ROCK1: variants seen among roughly 807,000 people sequenced by gnomAD.
ROCK1 encodes rho-associated protein kinase 1.
Under a neutral mutation model 196.8 loss-of-function variants are expected in ROCK1, and 36 were observed. The observed-to-expected ratio is 0.18, with a 90% CI of 0.14 to 0.24. The LOEUF (loss-of-function observed/expected upper bound fraction) is 0.24. Among genes scored for constraint, ROCK1 ranks in the 10% least tolerant of loss-of-function variants. The probability of loss-of-function intolerance (pLI) is 1.00; values close to 1 mark genes in which losing one functional copy is unlikely to be tolerated. For synonymous variants in ROCK1, 443 were observed against 515.9 expected, an observed-to-expected ratio of 0.86 and a Z score of 1.91; for missense variants, 920 against 1,562.0, an observed-to-expected ratio of 0.59 and a Z score of 6.93.
chr18:21,054,702 T>G (rs1359448572), intron 2 of ROCK1, among the ~76,000 whole-genome samples: 9 of 152,194 alleles, frequency 5.9e-5, no homozygotes. Flanking sequence ...TCTCCTGTTT[T>G]AATTCTTAAT....
intron 2 of ROCK1, among the ~76,000 whole-genome samples, chr18:21,058,265 T>C (rs918129964): frequency 6.6e-6 from 1 of 152,156 alleles, no homozygotes; most frequent in Non-Finnish European, 1.5e-5. Flanking sequence ...TGACCCTTTG[T>C]TGCTTTTCTA....
intron 29 of ROCK1, among the ~76,000 whole-genome samples, chr18:20,958,891 A>G (rs1335014133): frequency 9.8e-6 from 1 of 101,814 alleles, no homozygotes; most frequent in South Asian, 2.4e-4. Flanking sequence ...AAATATATAT[A>G]TTTATTTATA....
chr18:21,002,508 T>A (rs1180252170), intron 16 of ROCK1, among the ~76,000 whole-genome samples: 1 of 152,308 alleles, frequency 6.6e-6, no homozygotes, highest in Non-Finnish European at 1.5e-5. Context: ...GACAAAGAAT[T>A]AAGTATTTAA....
intron 27 of ROCK1, among the ~76,000 whole-genome samples, chr18:20,965,441 A>G (rs1210268472): frequency 6.7e-6 from 1 of 149,658 alleles, no homozygotes; most frequent in African/African-American, 2.6e-5. Flanking sequence ...ACATACATAC[A>G]TATATACATA....
At chr18:21,080,376 A>C (rs1438216309) in intron 1 of ROCK1, among the ~76,000 whole-genome samples, 1 of 152,168 alleles carries the variant, frequency 6.6e-6, no homozygotes. Flanking sequence ...AGTTGAAGGA[A>C]AACACAGAAA....
intron 27 of ROCK1, among the ~76,000 whole-genome samples, chr18:20,965,116 C>T (rs1250349954): frequency 2.0e-5 from 3 of 152,110 alleles, no homozygotes; most frequent in Non-Finnish European, 4.4e-5. Context: ...GTCGGCCAGG[C>T]GGGTGGCTCA....
intron 1 of ROCK1, among the ~76,000 whole-genome samples, chr18:21,104,449 T>G (rs1832897354): frequency 6.6e-6 from 1 of 151,986 alleles, no homozygotes; most frequent in South Asian, 2.1e-4. Context: ...TACAAAAAAT[T>G]AGCCGGGTGC....
At chr18:21,096,213 T>A (rs1183310375) in intron 1 of ROCK1, among the ~76,000 whole-genome samples, 2 of 152,168 alleles carry the variant, frequency 1.3e-5, no homozygotes, top group Non-Finnish European at 1.5e-5. Context: ...ATTTTTTTTT[T>A]TTTTGAGATG....
In ROCK1 at chr18:20,951,406, A is replaced by G. The variant is rs546640832; in HGVS notation, c.4062-19T>C. The G allele has an allele frequency of 6.3e-7, 1 of 1,590,164 alleles. No homozygotes were observed. The highest frequency in any genetic ancestry group is 8.6e-7 in the Non-Finnish European group (1 of 1,166,926). On this transcript the variant is annotated intron_variant, in intron 32 of 32. Coordinates refer to ENST00000399799, the MANE Select transcript of ROCK1 (RefSeq NM_005406.3). Reference sequence around the variant, plus strand: ...TGGTTAACTGTTGAGGGAGGGGGAAAAAACTAATTTAAGAAATGCACTCAG... The same window carrying G: ...TGGTTAACTGTTGAGGGAGGGGGAAGAAACTAATTTAAGAAATGCACTCAG...
chr18:21,049,478 G>A (rs1483809258), intron 3 of ROCK1, among the ~76,000 whole-genome samples: 1 of 152,048 alleles, frequency 6.6e-6, no homozygotes, highest in African/African-American at 2.4e-5. Context: ...CCTCCACACG[G>A]CTATGTAAGC....
intron 22 of ROCK1, among the ~76,000 whole-genome samples, 185 bp downstream of exon 22, chr18:20,979,725 A>T (rs557849041): frequency 6.6e-6 from 1 of 152,288 alleles, no homozygotes; most frequent in Non-Finnish European, 1.5e-5. Context: ...TACAGTGTTG[A>T]TTTATAGCAC....
intron 4 of ROCK1, among the ~76,000 whole-genome samples, chr18:21,047,912 AC>A (rs1480193195): frequency 6.6e-6 from 1 of 152,200 alleles, no homozygotes; most frequent in African/African-American, 2.4e-5. Context: ...TAAATAAATC[AC>A]AAAAACATGT....
intron 1 of ROCK1, among the ~76,000 whole-genome samples, chr18:21,070,916 C>T (rs1420813139): frequency 2.0e-5 from 3 of 152,106 alleles, no homozygotes; most frequent in Non-Finnish European, 4.4e-5. Flanking sequence ...TTTTGCATTA[C>T]TTCTCCTTAC....
chr18:21,094,282 T>G (rs1249564607), intron 1 of ROCK1, among the ~76,000 whole-genome samples: 2 of 152,196 alleles, frequency 1.3e-5, no homozygotes, highest in Non-Finnish European at 2.9e-5. Flanking sequence ...GAGACTAGGT[T>G]TTCCTGAATC....
intron 2 of ROCK1, among the ~76,000 whole-genome samples, chr18:21,051,863 T>C (rs1228122142): frequency 6.6e-6 from 1 of 152,098 alleles, no homozygotes; most frequent in Non-Finnish European, 1.5e-5. Context: ...CAGGAAGCCA[T>C]GAAAAGGAAT....
intron 4 of ROCK1, among the ~76,000 whole-genome samples, chr18:21,048,716 AT>A (rs1359979097): frequency 6.6e-6 from 1 of 151,714 alleles, no homozygotes; most frequent in Non-Finnish European, 1.5e-5. Context: ...TGCCTCAATA[AT>A]TTTTTTAATT....
intron 16 of ROCK1, among the ~76,000 whole-genome samples, chr18:21,004,803 G>C (rs1273474064): frequency 6.6e-6 from 1 of 152,196 alleles, no homozygotes; most frequent in Non-Finnish European, 1.5e-5. Context: ...AAGGAAGTCT[G>C]TGACTTTCCT....
At chr18:21,004,789 A>AT (rs1202404956) in intron 16 of ROCK1, among the ~76,000 whole-genome samples, 2 of 152,230 alleles carry the variant, frequency 1.3e-5, no homozygotes, top group Non-Finnish European at 2.9e-5. Flanking sequence ...TAGGAAAACA[A>AT]TTTAAGGAAG....
intron 10 of ROCK1, 78 bp from the exon 11 acceptor site, chr18:21,023,758 A>G: frequency 3.0e-6 from 2 of 677,680 alleles, no homozygotes; most frequent in Non-Finnish European, 2.5e-6. Context: ...AATAAATACT[A>G]CACGCCTATT....
Sources: allele counts gnomAD v4.1 joint callset (sites outside exome capture counted in the v4.1 genomes callset), GRCh38; gene constraint gnomAD v4.1.1; transcripts MANE v1.5; gene names NCBI Gene and HGNC (gene_info 2026-07-23, HGNC 2026-07-21).